The following ZNF335 variants were observed in gnomAD, a reference collection of about 807,000 sequenced individuals.
ZNF335 encodes the protein NRC-interacting factor 1.
Under a neutral mutation model 145.6 loss-of-function variants are expected in ZNF335, and 84 were observed. The ratio of observed to expected loss-of-function variants is 0.58; its 90% confidence interval spans 0.48 to 0.69. The LOEUF is 0.69. ZNF335 is among the 30% of genes least tolerant of loss of function. ZNF335 has a pLI of 0.00. For synonymous variants in ZNF335, 761 were observed against 717.0 expected (o/e 1.06, Z -0.98); for missense variants, 1,865 against 1,809.7 (o/e 1.03, Z -0.55).
chr20:45,957,708 A>C, intron 16 of ZNF335, 28 bp from the exon 17 acceptor site: 1 of 1,613,340 alleles, frequency 6.2e-7, no homozygotes, highest in Non-Finnish European at 8.5e-7. Flanking sequence ...TAAGCCTGAC[A>C]AAGTGCTAGA....
In ZNF335 at chr20:45,971,364, G is replaced by A. The variant is rs780195325; in HGVS notation, c.47C>T (p.Pro16Leu). 6.9e-6 allele frequency: 11 copies of A among 1,600,516 alleles called. No individual in the cohort carries two copies. The East Asian group carries it at 1.6e-4, about 23-fold the overall frequency. ...VESSSDAAPG[P>L]GRPEEPSESG... ...CTCAGAGGGCTCCTCGGGCCGGCCA[G>A]GCCCAGGGGCCGCGTCGCTGCTGCT... Residue 16 changes from proline to leucine, a missense_variant, in exon 2 of 28, where the codon CCT becomes CTT. Coordinates refer to ENST00000322927, the MANE Select transcript of ZNF335 (RefSeq NM_022095.4).
At chr20:45,956,988 A>C (rs539225356) in intron 17 of ZNF335, among the ~76,000 whole-genome samples, 6 of 152,274 alleles carry the variant, frequency 3.9e-5, no homozygotes, top group African/African-American at 1.4e-4. Flanking sequence ...GGAATTCATC[A>C]TCTTAAAAAC....
chr20:45,960,897 C>T lies in ZNF335; in HGVS notation c.1647-15G>A, dbSNP rs2083831564. Reference sequence around the variant, plus strand: ...GCCTCTTCTTCCTGTGGGGAAAAGGCCGAGGAATTAGACCAGAGCTTCCCC... The same window carrying T: ...GCCTCTTCTTCCTGTGGGGAAAAGGTCGAGGAATTAGACCAGAGCTTCCCC... On this transcript the variant is annotated splice_polypyrimidine_tract_variant and intron_variant, in intron 10 of 27. Transcript: ENST00000322927. The T allele has an allele frequency of 6.2e-7, 1 of 1,613,250 alleles. No individual in the cohort carries two copies. The highest frequency in any genetic ancestry group is 1.7e-5 in the Admixed American group (1 of 59,890).
chr20:45,952,437 G>A lies in ZNF335; in HGVS notation c.2899C>T (p.Leu967=). The change falls in exon 20 of 28, where the codon CTG becomes TTG. Residue 967 remains leucine, a synonymous_variant. Transcript: ENST00000322927. ...GGGGGCTCAGGGCCGTCTCTGGGCA[G>A]TCCCCCACACTGCAGCAGGGGCCAT... ...AKWPLLQCGG[L]PRDGPEPPSP... is the part of the protein sequence containing the mutation. 6.4e-7 allele frequency: 1 copy of A among 1,570,322 alleles called. No homozygotes were observed. The highest frequency in any genetic ancestry group is 8.7e-7 in the Non-Finnish European group (1 of 1,155,414).
chr20:45,950,490 T>C lies in ZNF335; in HGVS notation c.3295A>G (p.Lys1099Glu). Residue 1099 changes from lysine to glutamate, a missense_variant, in exon 21 of 28, where the codon AAG becomes GAG. Coordinates refer to ENST00000322927, the MANE Select transcript of ZNF335 (RefSeq NM_022095.4). ...DLRRHMLTHT[K>E]EKPFACHLCG... The stretch of plus-strand genomic sequence containing the variant: ...AGGTGGCATGCAAAAGGCTTCTCCT[T>C]TGTGTGAGTCAGCATGTGCCGACGC... The C allele has an allele frequency of 6.2e-7, 1 of 1,614,184 alleles. No individual in the cohort carries two copies.
chr20:45,971,372 G>C lies in ZNF335; in HGVS notation c.39C>G (p.Ala13=). 6.2e-7 allele frequency: 1 copy of C among 1,600,608 alleles called. No homozygotes were observed. Among genetic ancestry groups the C allele is most frequent in the Non-Finnish European group, 8.5e-7 (1 of 1,179,712 alleles). The part of the protein sequence containing the change: ...ENEVESSSDA[A]PGPGRPEEPS... The stretch of plus-strand genomic sequence containing the variant: ...GCTCCTCGGGCCGGCCAGGCCCAGG[G>C]GCCGCGTCGCTGCTGCTCTCCACCT... The change falls in exon 2 of 28, where the codon GCC becomes GCG. Residue 13 remains alanine (A), a synonymous_variant. Coordinates refer to ENST00000322927, the MANE Select transcript of ZNF335 (RefSeq NM_022095.4).
In ZNF335 at chr20:45,959,265, T is replaced by C. The variant is rs768797057; in HGVS notation, c.2189A>G (p.Glu730Gly). The C allele has an allele frequency of 6.6e-7, 1 of 1,520,170 alleles. No homozygotes were observed. 94.2% of individuals were successfully genotyped at this position (1,520,170 alleles called of 1,614,324 possible). Residue 730 changes from glutamate (E) to glycine (G), a missense_variant, in exon 15 of 28, where the codon GAG becomes GGG. Transcript: ENST00000322927. ...CGCACTGTGCTGCTGCTTCAGCTCC[T>C]CAATCTGCTGCAGAGAGAAGAAGGG... ...RRPFFSLQQI[E>G]ELKQQHSAAP...
chr20:45,949,545 A>T lies in ZNF335; in HGVS notation c.3693T>A (p.Asp1231Glu). 6.2e-7 allele frequency: 1 copy of T among 1,612,668 alleles called. No individual in the cohort carries two copies. The highest frequency in any genetic ancestry group is 8.5e-7 in the Non-Finnish European group (1 of 1,179,768). Residue 1231 changes from aspartate (D) to glutamate (E), a missense_variant, in exon 25 of 28, where the codon GAT becomes GAA. Coordinates refer to ENST00000322927, the MANE Select transcript of ZNF335 (RefSeq NM_022095.4). ...DNQVQYIISQ[D>E]GVQHLLPQEY... ...CCTGGGGGAGCAGGTGCTGGACACC[A>T]TCCTGGGAGATGATATACTGCACCT...
In ZNF335 at chr20:45,952,091, T is replaced by C. The variant is rs2083643366; in HGVS notation, c.3189+56A>G. On this transcript the variant is annotated intron_variant, in intron 20 of 27. Transcript: ENST00000322927. ...AAGGGCACTCATTAAAGGTTTGTTA[T>C]ACAAACGAGTAGCCCAATGAATGAC... 7.8e-6 allele frequency: 12 copies of C among 1,533,110 alleles called. No homozygotes were observed. In the Admixed American group the frequency reaches 1.2e-4, roughly 16 times the overall value. The allele number at this position is 1,533,110 out of a possible 1,614,324, so 95.0% of individuals were successfully genotyped here.
intron 6 of ZNF335, among the ~76,000 whole-genome samples, chr20:45,966,017 T>C (rs1359120764): frequency 2.0e-5 from 3 of 152,222 alleles, no homozygotes; most frequent in Non-Finnish European, 2.9e-5. Context: ...TTCATGTGAA[T>C]AGGGAAAAGG....
chr20:45,952,487 G>C lies in ZNF335; in HGVS notation c.2849C>G (p.Pro950Arg). Residue 950 changes from proline to arginine, a missense_variant, in exon 20 of 28, where the codon CCA becomes CGA. Physicochemically the swap from Pro to Arg is moderately radical, Grantham distance 103. Transcript: ENST00000322927. ...TADGSISFPS[P>R]DALASGAKWP... The stretch of plus-strand genomic sequence containing the variant: ...TTTGGCACCAGAGGCCAGAGCATCT[G>C]GACTTGGGAAGGAGATGGAGCCATC... 1 of 1,567,648 alleles carries C rather than the reference G, an allele frequency of 6.4e-7. No homozygotes were observed. Among genetic ancestry groups the C allele is most frequent in the African/African-American group, 1.3e-5 (1 of 74,248 alleles).
Position 45,967,916 on chromosome 20 carries a change from C to A in ZNF335, c.632G>T (p.Gly211Val). 1 of 1,612,486 alleles carries A rather than the reference C, an allele frequency of 6.2e-7. No homozygotes were observed. The highest frequency in any genetic ancestry group is 8.5e-7 in the Non-Finnish European group (1 of 1,179,602). The change falls in exon 5 of 28, where the codon GGT (glycine) becomes GTT (valine). Residue 211 changes from glycine to valine, a missense_variant. By Grantham distance (109) the Gly-to-Val change is moderately radical. Transcript: ENST00000322927. ...CAGCTGCACCGGGGAGCTGGGCCCA[C>A]CCTGTGCCTCCAGGCATGTGGATGT... Reference protein sequence around the residue: ...TSTSTCLEAQGGPSSPVQLPP... With the variant: ...TSTSTCLEAQVGPSSPVQLPP...
chr20:45,952,090 A>G (rs970999119), intron 20 of ZNF335, 57 bp downstream of exon 20: 19 of 1,532,630 alleles, frequency 1.2e-5, no homozygotes, highest in Middle Eastern at 2.4e-4. Context: ...AAGGTTTGTT[A>G]TACAAACGAG....
At chr20:45,949,117 T>G (rs1332449653) in intron 27 of ZNF335, 37 bp from the exon 28 acceptor site, 1 of 1,613,412 alleles carries the variant, frequency 6.2e-7, no homozygotes, top group South Asian at 1.1e-5. Flanking sequence ...AGCTGGAGGC[T>G]CAAGAGCTGG....
In ZNF335 at chr20:45,963,990, C is replaced by T. The variant is rs1260614211; in HGVS notation, c.1103G>A (p.Gly368Asp). 2 of 1,516,938 alleles carry T rather than the reference C, an allele frequency of 1.3e-6. No homozygotes were observed. The highest frequency in any genetic ancestry group is 1.8e-6 in the Non-Finnish European group (2 of 1,134,288). 94.0% of individuals were successfully genotyped at this position (1,516,938 alleles called of 1,614,324 possible). Reference protein sequence around the residue: ...PRLEISDLPDGVEGEPLVSSQ... With the variant: ...PRLEISDLPDDVEGEPLVSSQ... ...ACTCACTAGAGGCTCTCCTTCCACA[C>T]CTGCCACGGACATGCCAGGTCACAA... The change falls in exon 8 of 28, where the codon GGT (glycine) becomes GAT (aspartate). Residue 368 changes from glycine (G) to aspartate (D), a missense_variant and splice_region_variant. Gly to Asp is a moderately conservative substitution (Grantham distance 94). Transcript: ENST00000322927.
intron 18 of ZNF335, among the ~76,000 whole-genome samples, chr20:45,953,031 G>A (rs2083663488): frequency 6.6e-6 from 1 of 152,204 alleles, no homozygotes; most frequent in Non-Finnish European, 1.5e-5. Flanking sequence ...AGGAGCTAGT[G>A]GAGGAGGCAG....
chr20:45,949,913 T>TAG lies in ZNF335; in HGVS notation c.3592-37_3592-36insCT, dbSNP rs763883664. ...CAAGACAGCTCTAGCCTCATTTCTC[T>TAG]ACCCCAACCCCTGCCTGTCGCTGGC... On this transcript the variant is annotated intron_variant, in intron 23 of 27. Coordinates refer to ENST00000322927, the MANE Select transcript of ZNF335 (RefSeq NM_022095.4). 211 of 1,614,068 alleles carry TAG rather than the reference T, an allele frequency of 1.3e-4. No individual in the cohort carries two copies. The African/African-American group carries it at 2.6e-3, about 20-fold the overall frequency.
chr20:45,968,050 G>C, intron 4 of ZNF335, 23 bp from the exon 5 acceptor site: 3 of 1,612,000 alleles, frequency 1.9e-6, no homozygotes, highest in Non-Finnish European at 2.5e-6. Context: ...GAGGCAATTG[G>C]AGGGTGGTTA....
chr20:45,950,541 AGCTGCACTG>A lies in ZNF335; in HGVS notation c.3235_3243del (p.Gln1079_Ser1081del). On this transcript the variant is annotated inframe_deletion, in exon 21 of 28. Transcript: ENST00000322927. Reference sequence around the variant, plus strand: ...AGGTCCTTCTTGTTCTTGGAGGCAAAGCTGCACTGGCTACACTGGTGGGGCCGTAGGCTT... The same window carrying A: ...AGGTCCTTCTTGTTCTTGGAGGCAAAGCTACACTGGTGGGGCCGTAGGCTT... The A allele has an allele frequency of 6.2e-7, 1 of 1,614,194 alleles. No homozygotes were observed. Among genetic ancestry groups the A allele is most frequent in the Non-Finnish European group, 8.5e-7 (1 of 1,180,036 alleles).
Sources: gnomAD v4.1 joint callset for allele counts (sites outside exome capture counted in the v4.1 genomes callset) on GRCh38, gnomAD v4.1.1 for gene constraint, MANE v1.5 for transcripts, NCBI Gene and HGNC (gene_info 2026-07-23, HGNC 2026-07-21) for gene names.